GABRA2: variants seen among roughly 807,000 people sequenced by gnomAD.
GABRA2 encodes gamma-aminobutyric acid type A receptor subunit alpha2.
Under a neutral mutation model 48.7 loss-of-function variants are expected in GABRA2, and 16 were observed. The observed-to-expected ratio is 0.33, with a 90% CI of 0.22 to 0.50. The LOEUF is 0.50. Ranked by LOEUF, GABRA2 falls within the 20% of genes least tolerant of loss-of-function variation. GABRA2 has a pLI of 0.98. For synonymous variants in GABRA2, 185 were observed against 184.5 expected (o/e 1.00, Z -0.02); for missense variants, 275 against 535.6 (o/e 0.51, Z 4.80).
At position 46,250,194 on chromosome 4, in the gene GABRA2, T is replaced by C. The variant is rs1714455991; in HGVS notation, c.*114A>G. 2 of 874,552 alleles carry C rather than the reference T, an allele frequency of 2.3e-6. No individual in the cohort carries two copies. Among genetic ancestry groups the C allele is most frequent in the Non-Finnish European group, 3.6e-6 (2 of 557,074 alleles). 54.2% of individuals were successfully genotyped at this position (874,552 alleles called of 1,614,324 possible). A position where few individuals can be genotyped will look rare whatever the true frequency, so the allele number is the denominator to read the frequency against. The stretch of plus-strand genomic sequence containing the variant: ...GGTCTACTGGTAAGCTATGTCACTA[T>C]ATACATACTGTACATGTTGGATCAC... On this transcript the variant is annotated 3_prime_UTR_variant, in exon 10 of 10. Coordinates refer to ENST00000381620, the MANE Select transcript of GABRA2 (RefSeq NM_000807.4).
At chr4:46,272,191 T>A (rs192132430) in intron 8 of GABRA2, among the ~76,000 whole-genome samples, 35 of 152,022 alleles carry the variant, frequency 2.3e-4, no homozygotes, top group Non-Finnish European at 4.7e-4. Context: ...CTGATGCACA[T>A]CTTTGATATA....
intron 3 of GABRA2, among the ~76,000 whole-genome samples, chr4:46,335,981 C>T (rs1419123078): frequency 6.6e-6 from 1 of 152,056 alleles, no homozygotes; most frequent in Non-Finnish European, 1.5e-5. Context: ...TTTATGGGAC[C>T]TTTCAACTTT....
intron 8 of GABRA2, among the ~76,000 whole-genome samples, chr4:46,269,202 CA>C (rs1718826628): frequency 6.6e-6 from 1 of 151,740 alleles, no homozygotes; most frequent in Non-Finnish European, 1.5e-5. Context: ...CTAATATTCT[CA>C]TTACAAAATG....
chr4:46,291,776 C>CACACATATATATATATAT (rs1553906974), intron 8 of GABRA2, among the ~76,000 whole-genome samples: 10 of 144,802 alleles, frequency 6.9e-5, no homozygotes, highest in African/African-American at 2.6e-4. Context: ...TAAACACACA[C>CACACATATATATATATAT]ATATATATAT....
intron 3 of GABRA2, among the ~76,000 whole-genome samples, chr4:46,340,666 G>A (rs545768955): frequency 1.4e-4 from 22 of 151,924 alleles, no homozygotes; most frequent in Non-Finnish European, 3.2e-4. Context: ...ACTTGGTTTA[G>A]TGTATAATTT....
At chr4:46,349,545 C>A (rs764158444) in intron 3 of GABRA2, among the ~76,000 whole-genome samples, 2 of 151,884 alleles carry the variant, frequency 1.3e-5, no homozygotes, top group Non-Finnish European at 2.9e-5. Flanking sequence ...GTTTTAAGAT[C>A]GGTTGCTTTT....
chr4:46,389,408 A>C, intron 1 of GABRA2: 1 of 985,424 alleles, frequency 1.0e-6, no homozygotes, highest in Non-Finnish European at 1.2e-6. Flanking sequence ...GAGGATCACA[A>C]TAAGAGAAGG....
chr4:46,350,050 A>T (rs1230957722), intron 3 of GABRA2, among the ~76,000 whole-genome samples: 1 of 151,844 alleles, frequency 6.6e-6, no homozygotes, highest in Non-Finnish European at 1.5e-5. Flanking sequence ...TATATATATG[A>T]TCAAAATTTA....
At position 46,244,197 on chromosome 4, in the gene GABRA2, T is replaced by C. The variant is rs1560412890; in HGVS notation, c.*6111A>G. 6.6e-6 allele frequency: 1 copy of C among 151,596 alleles called. No homozygotes were observed. Among genetic ancestry groups the C allele is most frequent in the Non-Finnish European group, 1.5e-5 (1 of 67,694 alleles). The allele number at this position is 151,596 out of a possible 1,614,324, so 9.4% of individuals were successfully genotyped here. On this transcript the variant is annotated 3_prime_UTR_variant, in exon 10 of 10. Transcript: ENST00000381620. ...CTTTCTAATTATACGTTACACCTTTTTACACATTATGATCAGTTTAAAGCA... is the reference window on the plus strand; with the variant it reads ...CTTTCTAATTATACGTTACACCTTTCTACACATTATGATCAGTTTAAAGCA...
rs576465662 is a variant in GABRA2, at chr4:46,297,911, G to A, written c.856+5549C>T. On this transcript the variant is annotated intron_variant, in intron 8 of 9. Transcript: ENST00000381620. Reference sequence around the variant, plus strand: ...TTGAGCTTTGACTTCACTGCATCTCGTAAGTTTTGGTATGGTGTGTTTTCA... The same window carrying A: ...TTGAGCTTTGACTTCACTGCATCTCATAAGTTTTGGTATGGTGTGTTTTCA... Among the ~76,000 whole-genome samples the A allele has an allele frequency of 4.5e-4, 69 of 151,966 alleles. 1 individual carries two copies. The highest frequency in any genetic ancestry group is 1.3e-3 in the African/African-American group (55 of 41,480).
intron 6 of GABRA2, among the ~76,000 whole-genome samples, chr4:46,306,616 G>A (rs193226710): frequency 9.5e-4 from 144 of 152,150 alleles, no homozygotes; most frequent in African/African-American, 3.3e-3. Context: ...GAACTTCTAC[G>A]CACTTTTACT....
At chr4:46,351,430 T>G (rs747090774) in intron 3 of GABRA2, among the ~76,000 whole-genome samples, 17 of 152,066 alleles carry the variant, frequency 1.1e-4, no homozygotes, top group Non-Finnish European at 2.4e-4. Context: ...TCTCTTTAAT[T>G]TAATGCAAGT....
intron 1 of GABRA2, chr4:46,389,507 C>G (rs886855352): frequency 1.6e-5 from 10 of 633,648 alleles, no homozygotes; most frequent in African/African-American, 2.0e-5. Flanking sequence ...GCCAGGCTAA[C>G]GTGCTGCCGA....
chr4:46,262,217 A>G (rs1356211884), intron 8 of GABRA2, 89 bp from the exon 9 acceptor site: 2 of 947,354 alleles, frequency 2.1e-6, no homozygotes, highest in African/African-American at 3.3e-5. Context: ...TCCAGCCCCC[A>G]AAGCTTTTAC....
chr4:46,322,283 C>T (rs1230048958), intron 4 of GABRA2, among the ~76,000 whole-genome samples: 6 of 151,818 alleles, frequency 4.0e-5, no homozygotes, highest in African/African-American at 1.2e-4. Context: ...GAAGCATTGC[C>T]GTAATGTGAG....
chr4:46,301,114 T>TA (rs1725661498), intron 8 of GABRA2, among the ~76,000 whole-genome samples: 1 of 151,748 alleles, frequency 6.6e-6, no homozygotes, highest in Non-Finnish European at 1.5e-5. Context: ...GGGTAGATCT[T>TA]ATGTTAAGTA....
At chr4:46,276,308 A>G (rs889871116) in intron 8 of GABRA2, among the ~76,000 whole-genome samples, 11 of 152,126 alleles carry the variant, frequency 7.2e-5, no homozygotes, top group African/African-American at 2.2e-4. Flanking sequence ...TAACCTAGAC[A>G]TGGGTTAACT....
chr4:46,383,272 G>A (rs1717006783), intron 3 of GABRA2, among the ~76,000 whole-genome samples: 1 of 152,106 alleles, frequency 6.6e-6, no homozygotes, highest in African/African-American at 2.4e-5. Context: ...GATCCAGAGA[G>A]GCTAGCGATT....
intron 3 of GABRA2, among the ~76,000 whole-genome samples, chr4:46,341,437 T>G (rs529182640): frequency 4.6e-5 from 7 of 152,178 alleles, no homozygotes; most frequent in African/African-American, 1.7e-4. Context: ...TGCTGTTTGT[T>G]GCTGTTGCTA....
Sources: gnomAD v4.1 joint callset for allele counts (sites outside exome capture counted in the v4.1 genomes callset) on GRCh38, gnomAD v4.1.1 for gene constraint, MANE v1.5 for transcripts, NCBI Gene and HGNC (gene_info 2026-07-23, HGNC 2026-07-21) for gene names.